RBFOX1: variants seen among roughly 807,000 people sequenced by gnomAD.
RBFOX1 encodes the protein RNA binding protein fox-1 homolog 1.
Under a neutral mutation model 57.7 loss-of-function variants are expected in RBFOX1, and 8 were observed. That is an observed-to-expected ratio of 0.14 (90% CI 0.08 to 0.25). RBFOX1 has a LOEUF of 0.25. RBFOX1 is among the 10% of genes least tolerant of loss of function. The probability of loss-of-function intolerance (pLI) is 1.00; values close to 1 mark genes in which losing one functional copy is unlikely to be tolerated. For missense variants in RBFOX1, 611 were observed against 548.5 expected (o/e 1.11, Z -1.14); for synonymous variants, 326 against 222.4 (o/e 1.47, Z -4.15).
intron 2 of RBFOX1, among the ~76,000 whole-genome samples, chr16:6,532,553 C>A (rs1382272596): frequency 6.6e-6 from 1 of 152,168 alleles, no homozygotes; most frequent in Non-Finnish European, 1.5e-5. Context: ...ATATTCATCT[C>A]CCTCATGCTG....
At chr16:7,518,431 G>T (rs753766119) in intron 5 of RBFOX1, 42 bp downstream of exon 5, 1 of 1,568,384 alleles carries the variant, frequency 6.4e-7, no homozygotes, top group Non-Finnish European at 8.7e-7. Context: ...TTATGGGGAG[G>T]CGCCCCCAGC....
At chr16:7,107,526 AACTTG>A (rs1349311059) in intron 4 of RBFOX1, among the ~76,000 whole-genome samples, 1 of 152,072 alleles carries the variant, frequency 6.6e-6, no homozygotes, top group Non-Finnish European at 1.5e-5. Context: ...ACATTTTGAT[AACTTG>A]ACTTCTGTGC....
rs1005081542 is a variant in RBFOX1, at chr16:7,159,898, A to G, written c.27+107800A>G. On this transcript the variant is annotated intron_variant, in intron 4 of 15. Transcript: ENST00000550418. ...TTGATCATATATACTAATTATTGCT[A>G]ATATAGGCACCAGATGATTGCATTT... Among the ~76,000 whole-genome samples, 4 of 152,200 alleles carry G rather than the reference A, an allele frequency of 2.6e-5. No individual in the cohort carries two copies. In the South Asian group the frequency reaches 6.2e-4, roughly 24 times the overall value.
At chr16:5,406,823 G>A (rs180957200) in intron 1 of RBFOX1, among the ~76,000 whole-genome samples, 9 of 152,270 alleles carry the variant, frequency 5.9e-5, no homozygotes, top group Admixed American at 2.6e-4. Flanking sequence ...GGAGACAGAC[G>A]GCAGGCACAT....
chr16:5,870,912 A>G (rs1480709465), intron 4 of RBFOX1, among the ~76,000 whole-genome samples: 2 of 152,016 alleles, frequency 1.3e-5, no homozygotes, highest in African/African-American at 2.4e-5. Flanking sequence ...ATTTAAGCAG[A>G]ACAAACCCCA....
intron 4 of RBFOX1, among the ~76,000 whole-genome samples, chr16:7,111,921 C>G (rs932624465): frequency 2.0e-5 from 3 of 152,036 alleles, no homozygotes; most frequent in South Asian, 2.1e-4. Flanking sequence ...TTCAAGTGGT[C>G]TCATTCACAA....
intron 4 of RBFOX1, among the ~76,000 whole-genome samples, chr16:7,414,768 C>T (rs1007196524): frequency 6.6e-6 from 1 of 152,132 alleles, no homozygotes; most frequent in Admixed American, 6.5e-5. Context: ...CAGGCGTGTG[C>T]CACCATGACT....
intron 1 of RBFOX1, among the ~76,000 whole-genome samples, chr16:6,088,744 G>T (rs555822474): frequency 6.6e-6 from 1 of 152,276 alleles, no homozygotes; most frequent in East Asian, 1.9e-4. Context: ...GGTATTACAT[G>T]TAAAACTTGT....
chr16:6,842,884 AT>A (rs2093561650), intron 3 of RBFOX1, among the ~76,000 whole-genome samples: 1 of 151,808 alleles, frequency 6.6e-6, no homozygotes, highest in Non-Finnish European at 1.5e-5. Context: ...ATGTGTTCTC[AT>A]TGTTCAACTC....
At chr16:5,452,994 T>C (rs2068473837) in intron 1 of RBFOX1, among the ~76,000 whole-genome samples, 1 of 152,208 alleles carries the variant, frequency 6.6e-6, no homozygotes, top group Non-Finnish European at 1.5e-5. Context: ...GGTGATTCAC[T>C]GCTCCTGGGC....
intron 1 of RBFOX1, among the ~76,000 whole-genome samples, chr16:6,295,928 G>T (rs1162770721): frequency 1.3e-5 from 2 of 152,194 alleles, no homozygotes; most frequent in East Asian, 3.8e-4. Flanking sequence ...CAGGACACCT[G>T]ATGTAACACA....
At chr16:6,210,015 A>C (rs1048434242) in intron 1 of RBFOX1, among the ~76,000 whole-genome samples, 2 of 152,016 alleles carry the variant, frequency 1.3e-5, no homozygotes, top group African/African-American at 4.8e-5. Flanking sequence ...GAACATGACA[A>C]AGTTAGAAAT....
intron 1 of RBFOX1, among the ~76,000 whole-genome samples, chr16:5,293,493 T>TG (rs1260159860): frequency 1.3e-5 from 2 of 152,170 alleles, no homozygotes; most frequent in East Asian, 3.9e-4. Context: ...TGGAATCTCC[T>TG]GGGGAGATGA....
chr16:6,948,297 AAAAC>A (rs1380703947), intron 3 of RBFOX1, among the ~76,000 whole-genome samples: 11 of 151,992 alleles, frequency 7.2e-5, no homozygotes, highest in African/African-American at 9.7e-5. Context: ...ATTTTAATTT[AAAAC>A]AAACAAAATA....
chr16:5,439,557 G>T (rs1412224572), intron 1 of RBFOX1, among the ~76,000 whole-genome samples: 2 of 152,188 alleles, frequency 1.3e-5, no homozygotes, highest in Admixed American at 1.3e-4. Flanking sequence ...ACTTGTTTGT[G>T]AACTGGGCAT....
At chr16:7,257,276 G>T (rs2094728395) in intron 4 of RBFOX1, among the ~76,000 whole-genome samples, 1 of 152,114 alleles carries the variant, frequency 6.6e-6, no homozygotes, top group Non-Finnish European at 1.5e-5. Flanking sequence ...GGAAGTGAGA[G>T]TATCATTTCT....
intron 1 of RBFOX1, among the ~76,000 whole-genome samples, chr16:6,106,701 T>TCTCCACC (rs1255204156): frequency 6.6e-6 from 1 of 152,046 alleles, no homozygotes; most frequent in Admixed American, 6.6e-5. Context: ...GGAGTGTCGC[T>TCTCCACC]CTGTTGCCCA....
intron 3 of RBFOX1, among the ~76,000 whole-genome samples, chr16:6,938,459 C>T (rs1225706206): frequency 6.6e-6 from 1 of 152,160 alleles, no homozygotes; most frequent in Non-Finnish European, 1.5e-5. Context: ...TTCTTGCCAT[C>T]ACTTTTCTTG....
At chr16:6,787,756 C>A (rs946233076) in intron 3 of RBFOX1, among the ~76,000 whole-genome samples, 1 of 152,182 alleles carries the variant, frequency 6.6e-6, no homozygotes, top group Non-Finnish European at 1.5e-5. Flanking sequence ...CTGGCTTAAT[C>A]CCCAAAACCT....
Sources: gnomAD v4.1 joint callset for allele counts (sites outside exome capture counted in the v4.1 genomes callset) on GRCh38, gnomAD v4.1.1 for gene constraint, MANE v1.5 for transcripts, NCBI Gene and HGNC (gene_info 2026-07-23, HGNC 2026-07-21) for gene names.